TRIM44: variants seen among roughly 807,000 people sequenced by gnomAD.
TRIM44 encodes the protein tripartite motif-containing protein 44.
In TRIM44, 13 loss-of-function variants were observed where a neutral mutation model predicts 37.4. The ratio of observed to expected loss-of-function variants is 0.35; its 90% CI spans 0.23 to 0.55. The LOEUF (loss-of-function observed/expected upper bound fraction) is 0.55, where lower values mean the gene tolerates loss of function less well. Among genes scored for constraint, TRIM44 ranks in the 20% least tolerant of loss-of-function variants. The pLI is 0.89. For missense variants in TRIM44, 426 were observed against 437.2 expected, an observed-to-expected ratio of 0.97 and a Z score of 0.23; for synonymous variants, 175 against 157.2, an observed-to-expected ratio of 1.11 and a Z score of -0.85.
intron 4 of TRIM44, among the ~76,000 whole-genome samples, chr11:35,755,331 T>G (rs1185401085): frequency 6.6e-6 from 1 of 150,860 alleles, no homozygotes; most frequent in Non-Finnish European, 1.5e-5. Context: ...TCATATCTTT[T>G]GCCCACTTGT....
intron 4 of TRIM44, among the ~76,000 whole-genome samples, chr11:35,757,494 T>G (rs1481839722): frequency 6.6e-6 from 1 of 152,192 alleles, no homozygotes; most frequent in Non-Finnish European, 1.5e-5. Context: ...ATGTCTGTAT[T>G]TCCTTCAGTT....
chr11:35,779,096 A>T (rs2133870704), intron 4 of TRIM44, among the ~76,000 whole-genome samples: 1 of 152,298 alleles, frequency 6.6e-6, no homozygotes, highest in East Asian at 1.9e-4. Flanking sequence ...GGCTCTACCC[A>T]GTTCGAGCTT....
rs576733461 is a variant in TRIM44, at chr11:35,670,410, G to T, written c.669+6630G>T. ...ACATTTCCTTGTTTTGGATGATCTT[G>T]ATAGTATTAAGTAGTGCTAGTCAGG... On this transcript the variant is annotated intron_variant, in intron 1 of 4. Coordinates refer to ENST00000299413, the MANE Select transcript of TRIM44 (RefSeq NM_017583.6). Among the ~76,000 whole-genome samples the T allele has an allele frequency of 2.6e-5, 4 of 152,310 alleles. No individual in the cohort carries two copies. The South Asian group carries it at 8.3e-4, about 32-fold the overall frequency.
chr11:35,714,873 A>T (rs1230090562), intron 2 of TRIM44, among the ~76,000 whole-genome samples: 1 of 152,148 alleles, frequency 6.6e-6, no homozygotes, highest in African/African-American at 2.4e-5. Context: ...ACAAGATGGA[A>T]TAGAAGCTCT....
At chr11:35,783,966 G>A (rs1853096895) in intron 4 of TRIM44, among the ~76,000 whole-genome samples, 1 of 152,202 alleles carries the variant, frequency 6.6e-6, no homozygotes, top group South Asian at 2.1e-4. Context: ...CTTGGTGGCA[G>A]CAGTCACCCC....
chr11:35,725,385 G>C (rs964633588), intron 2 of TRIM44, among the ~76,000 whole-genome samples: 2 of 152,128 alleles, frequency 1.3e-5, no homozygotes, highest in African/African-American at 4.8e-5. Flanking sequence ...CCAGGGTGGA[G>C]TGCAGTGGTG....
intron 4 of TRIM44, among the ~76,000 whole-genome samples, chr11:35,797,738 CAAGAAA>C (rs1473391228): frequency 6.6e-6 from 1 of 152,096 alleles, no homozygotes; most frequent in African/African-American, 2.4e-5. Context: ...CCATCACAAA[CAAGAAA>C]AGTCTGAGAA....
chr11:35,708,989 C>A (rs943257781), intron 2 of TRIM44, among the ~76,000 whole-genome samples: 16 of 150,556 alleles, frequency 1.1e-4, no homozygotes, highest in Non-Finnish European at 3.0e-5. Flanking sequence ...CATGCCCCCC[C>A]CCCAAAAAAA....
chr11:35,804,139 T>C (rs2133885087), intron 4 of TRIM44, among the ~76,000 whole-genome samples: 1 of 152,306 alleles, frequency 6.6e-6, no homozygotes, highest in African/African-American at 2.4e-5. Context: ...AACAAATATT[T>C]AGCAAATGAA....
chr11:35,701,136 G>GT (rs1851782392), intron 2 of TRIM44, among the ~76,000 whole-genome samples: 1 of 152,020 alleles, frequency 6.6e-6, no homozygotes. Flanking sequence ...GGCAAAACAA[G>GT]TCCCCCAAAA....
chr11:35,703,864 C>T (rs1851834352), intron 2 of TRIM44, among the ~76,000 whole-genome samples: 1 of 152,154 alleles, frequency 6.6e-6, no homozygotes, highest in South Asian at 2.1e-4. Flanking sequence ...TCTCCTTCTC[C>T]AAAGGAACAC....
chr11:35,767,538 T>C (rs905870663), intron 4 of TRIM44, among the ~76,000 whole-genome samples: 1 of 151,914 alleles, frequency 6.6e-6, no homozygotes, highest in Non-Finnish European at 1.5e-5. Context: ...TATGTCTCTG[T>C]GCTGTGGTGG....
Position 35,812,231 on chromosome 11 carries a change from T to C in TRIM44, c.*5846T>C, listed in dbSNP as rs1405931165. 6.6e-6 allele frequency: 1 copy of C among 152,168 alleles called. No homozygotes were observed. Among genetic ancestry groups the C allele is most frequent in the Non-Finnish European group, 1.5e-5 (1 of 68,018 alleles). 9.4% of individuals were successfully genotyped at this position (152,168 alleles called of 1,614,324 possible). On this transcript the variant is annotated 3_prime_UTR_variant, in exon 5 of 5. Coordinates refer to ENST00000299413, the MANE Select transcript of TRIM44 (RefSeq NM_017583.6). ...TTTATACTCATAAAAAGGTAGAATT[T>C]CAGCTTGTCTGGAATATCTCCTGGC... is the stretch of plus-strand genomic sequence containing the variant.
At chr11:35,699,849 A>G (rs996502921) in intron 2 of TRIM44, among the ~76,000 whole-genome samples, 1 of 152,126 alleles carries the variant, frequency 6.6e-6, no homozygotes, top group Non-Finnish European at 1.5e-5. Flanking sequence ...CCCATTCACA[A>G]TTGCTTCAAA....
Position 35,817,329 on chromosome 11 carries a change from C to CCACTGACAAG in TRIM44, c.*10945_*10954dup, listed in dbSNP as rs1349025690. 2 of 152,178 alleles carry CCACTGACAAG rather than the reference C, an allele frequency of 1.3e-5. No individual in the cohort carries two copies. The highest frequency in any genetic ancestry group is 4.8e-5 in the African/African-American group (2 of 41,432). 9.4% of individuals were successfully genotyped at this position (152,178 alleles called of 1,614,324 possible). A position where few individuals can be genotyped will look rare whatever the true frequency, so the allele number is the denominator to read the frequency against. ...AAGCCTCACTCCCATCCCTGCTCTG[C>CCACTGACAAG]CACTGACAAGTTGTGTGGCATTTGG... On this transcript the variant is annotated 3_prime_UTR_variant, in exon 5 of 5. Transcript: ENST00000299413.
chr11:35,739,185 C>T (rs2135523096), intron 4 of TRIM44, among the ~76,000 whole-genome samples: 1 of 152,304 alleles, frequency 6.6e-6, no homozygotes, highest in East Asian at 1.9e-4. Flanking sequence ...CATTTATTGA[C>T]AGTTCATTAT....
intron 4 of TRIM44, among the ~76,000 whole-genome samples, chr11:35,804,760 A>C (rs1853426620): frequency 6.6e-6 from 1 of 152,156 alleles, no homozygotes; most frequent in East Asian, 1.9e-4. Flanking sequence ...TCATCCCATG[A>C]TTGTATAACC....
Position 35,685,107 on chromosome 11 carries a change from G to A in TRIM44, c.670-152G>A, listed in dbSNP as rs1305455232. ...TGACACTCTTTGTCCATAGAGAAGG[G>A]AAAGAGGGGCAATGCACCTCTCCTT... On this transcript the variant is annotated intron_variant, in intron 1 of 4. Transcript: ENST00000299413. The A allele has an allele frequency of 1.5e-5, 9 of 618,634 alleles. No homozygotes were observed. In the Middle Eastern group the frequency reaches 7.9e-4, roughly 54 times the overall value. 38.3% of individuals were successfully genotyped at this position (618,634 alleles called of 1,614,324 possible).
chr11:35,720,899 G>T (rs1852098831), intron 2 of TRIM44, among the ~76,000 whole-genome samples: 1 of 150,732 alleles, frequency 6.6e-6, no homozygotes. Context: ...TTATGTCATG[G>T]TATATAATTC....
Sources: allele counts gnomAD v4.1 joint callset (sites outside exome capture counted in the v4.1 genomes callset), GRCh38; gene constraint gnomAD v4.1.1; transcripts MANE v1.5; gene names NCBI Gene and HGNC (gene_info 2026-07-23, HGNC 2026-07-21).